Variants in GRIK4 observed in about 807,000 individuals in gnomAD.
GRIK4 encodes glutamate receptor ionotropic, kainate 4.
Under a neutral mutation model 104.9 loss-of-function variants are expected in GRIK4, and 40 were observed. The observed-to-expected ratio is 0.38, with a 90% CI of 0.30 to 0.50. The LOEUF (loss-of-function observed/expected upper bound fraction) is 0.50. Ranked by LOEUF, GRIK4 falls within the 20% of genes least tolerant of loss-of-function variation. The pLI is 0.93. For missense variants in GRIK4, 1,047 were observed against 1,308.1 expected (o/e 0.80, Z 3.08); for synonymous variants, 485 against 524.9 (o/e 0.92, Z 1.04).
At chr11:120,841,116 A>T (rs938619901) in intron 8 of GRIK4, among the ~76,000 whole-genome samples, 2 of 152,182 alleles carry the variant, frequency 1.3e-5, no homozygotes, top group African/African-American at 2.4e-5. Flanking sequence ...AATATATGTG[A>T]CATAAAATTT....
chr11:120,750,664 C>T (rs535319739), intron 3 of GRIK4, among the ~76,000 whole-genome samples: 7 of 152,270 alleles, frequency 4.6e-5, no homozygotes, highest in East Asian at 1.9e-4. Context: ...CTGCCACCCC[C>T]GGCCTGGAAA....
At chr11:120,541,344 C>T (rs78566287) in intron 1 of GRIK4, among the ~76,000 whole-genome samples, 4,946 of 152,298 alleles carry the variant, frequency 0.032, 117 homozygotes, top group East Asian at 0.086. Context: ...GTGTCAGTTT[C>T]GCCCAGAAGA....
intron 1 of GRIK4, among the ~76,000 whole-genome samples, chr11:120,522,537 T>C (rs1947808240): frequency 6.6e-6 from 1 of 152,080 alleles, no homozygotes; most frequent in Non-Finnish European, 1.5e-5. Context: ...GCCAGGCTGG[T>C]CTCGAACCCC....
At chr11:120,581,830 G>T (rs185214110) in intron 1 of GRIK4, among the ~76,000 whole-genome samples, 30 of 149,732 alleles carry the variant, frequency 2.0e-4, no homozygotes, top group Admixed American at 1.9e-3. Flanking sequence ...TTTTTGAGAC[G>T]GAGTCTTGCT....
At chr11:120,872,110 G>C (rs1007516409) in intron 9 of GRIK4, 2 of 350,832 alleles carry the variant, frequency 5.7e-6, no homozygotes, top group East Asian at 1.5e-4. Flanking sequence ...CTGGACCTGA[G>C]GGGGCACAGC....
chr11:120,965,408 G>C (rs1944365496), intron 18 of GRIK4, among the ~76,000 whole-genome samples: 1 of 152,232 alleles, frequency 6.6e-6, no homozygotes, highest in South Asian at 2.1e-4. Context: ...ATTCACGGCA[G>C]ATGTGTAATA....
intron 8 of GRIK4, among the ~76,000 whole-genome samples, chr11:120,848,760 C>A (rs1953907287): frequency 6.6e-6 from 1 of 152,084 alleles, no homozygotes; most frequent in African/African-American, 2.4e-5. Context: ...GAAAATTAAC[C>A]AATTAGGTCT....
At chr11:120,700,667 T>A (rs1950537758) in intron 3 of GRIK4, among the ~76,000 whole-genome samples, 2 of 152,202 alleles carry the variant, frequency 1.3e-5, no homozygotes, top group Middle Eastern at 3.4e-3. Context: ...CCATGTTAGC[T>A]AGACTGGTCT....
chr11:120,766,735 G>A (rs1208934162), intron 3 of GRIK4, among the ~76,000 whole-genome samples: 3 of 151,836 alleles, frequency 2.0e-5, no homozygotes, highest in Non-Finnish European at 2.9e-5. Context: ...CACTTCCTGG[G>A]TGAGACGACA....
intron 1 of GRIK4, among the ~76,000 whole-genome samples, chr11:120,628,264 C>G (rs757406651): frequency 2.6e-5 from 4 of 152,200 alleles, no homozygotes; most frequent in Non-Finnish European, 4.4e-5. Flanking sequence ...GCCCAGGCCA[C>G]AGATTGGAGT....
chr11:120,679,103 CATTTATTCAGT>C (rs1005311646), intron 3 of GRIK4, among the ~76,000 whole-genome samples: 2 of 152,162 alleles, frequency 1.3e-5, no homozygotes, highest in Non-Finnish European at 2.9e-5. Context: ...ATAACAGCAG[CATTTATTCAGT>C]ATTTATTATG....
At chr11:120,850,799 T>TATTATG (rs1452553403) in intron 8 of GRIK4, among the ~76,000 whole-genome samples, 2 of 72,588 alleles carry the variant, frequency 2.8e-5, no homozygotes, top group African/African-American at 1.2e-4. Flanking sequence ...CAAATCACAT[T>TATTATG]ATTATTATTA....
intron 3 of GRIK4, among the ~76,000 whole-genome samples, chr11:120,680,002 GC>G (rs1391070242): frequency 6.6e-6 from 1 of 152,100 alleles, no homozygotes; most frequent in Non-Finnish European, 1.5e-5. Flanking sequence ...TTCTCACCTT[GC>G]CTGCCCAGCA....
chr11:120,832,000 C>G lies in GRIK4; in HGVS notation c.660C>G (p.Asn220Lys). 6.2e-7 allele frequency: 1 copy of G among 1,613,592 alleles called. No homozygotes were observed. The change falls in exon 7 of 21, where the codon AAC (asparagine) becomes AAG (lysine). Residue 220 changes from asparagine to lysine, a missense_variant. Coordinates refer to ENST00000527524, the MANE Select transcript of GRIK4 (RefSeq NM_014619.5). Reference sequence around the variant, plus strand: ...CCGCCACCATCATCATCCACGCCAACGCCTCCATGTCCCACACCATCCTCC... The same window carrying G: ...CCGCCACCATCATCATCCACGCCAAGGCCTCCATGTCCCACACCATCCTCC... Reference protein sequence around the residue: ...DKTATIIIHANASMSHTILLK... With the variant: ...DKTATIIIHAKASMSHTILLK...
chr11:120,580,886 A>G (rs553643407), intron 1 of GRIK4, among the ~76,000 whole-genome samples: 2 of 151,940 alleles, frequency 1.3e-5, no homozygotes, highest in South Asian at 4.2e-4. Context: ...CCTATCACCA[A>G]CGCATGAGAG....
chr11:120,930,097 A>G (rs1211233463), intron 13 of GRIK4, among the ~76,000 whole-genome samples: 1 of 152,184 alleles, frequency 6.6e-6, no homozygotes, highest in Non-Finnish European at 1.5e-5. Context: ...CACTGCGAAC[A>G]GTGCAGTAAT....
intron 1 of GRIK4, among the ~76,000 whole-genome samples, chr11:120,650,175 A>G (rs1949599234): frequency 1.3e-5 from 2 of 152,152 alleles, no homozygotes; most frequent in South Asian, 4.2e-4. Flanking sequence ...TGGAGATGGG[A>G]GCTGCGGGCT....
chr11:120,936,367 G>C, intron 13 of GRIK4: 1 of 451,104 alleles, frequency 2.2e-6, no homozygotes, highest in Non-Finnish European at 4.3e-6. Flanking sequence ...GTCAAAGGAG[G>C]CCTCTTGGGT....
intron 3 of GRIK4, among the ~76,000 whole-genome samples, chr11:120,702,734 T>C (rs1950572569): frequency 6.6e-6 from 1 of 152,196 alleles, no homozygotes; most frequent in Non-Finnish European, 1.5e-5. Context: ...ACAGGTGGGC[T>C]CACTGCTCTG....
Sources: gnomAD v4.1 joint callset for allele counts (sites outside exome capture counted in the v4.1 genomes callset) on GRCh38, gnomAD v4.1.1 for gene constraint, MANE v1.5 for transcripts, NCBI Gene and HGNC (gene_info 2026-07-23, HGNC 2026-07-21) for gene names.